Variants in TUBGCP5 observed in about 807,000 individuals in gnomAD.
The protein encoded by TUBGCP5 is gamma-tubulin complex component 5.
TUBGCP5 carries 98 observed loss-of-function variants against 134.7 expected under a neutral mutation model. That is an observed-to-expected ratio of 0.73 (90% CI 0.62 to 0.86). The LOEUF (loss-of-function observed/expected upper bound fraction) is 0.86, where lower values mean the gene tolerates loss of function less well. Ranked by LOEUF, TUBGCP5 falls within the 40% of genes least tolerant of loss-of-function variation. The pLI, the probability that TUBGCP5 is intolerant of heterozygous loss-of-function variation, is 0.00. For synonymous variants in TUBGCP5, 456 were observed against 431.4 expected (o/e 1.06, Z -0.71); for missense variants, 1,150 against 1,244.8 (o/e 0.92, Z 1.15).
intron 15 of TUBGCP5, 138 bp downstream of exon 15, chr15:23,009,807 T>C: frequency 1.7e-6 from 1 of 587,232 alleles, no homozygotes; most frequent in Non-Finnish European, 2.7e-6. Flanking sequence ...GATGGTCAAT[T>C]GATTTCTCTT....
At chr15:23,014,821 G>A (rs918666144) in intron 13 of TUBGCP5, among the ~76,000 whole-genome samples, 2 of 152,156 alleles carry the variant, frequency 1.3e-5, no homozygotes, top group African/African-American at 4.8e-5. Flanking sequence ...ATGACCCTGA[G>A]GGCTGTTCTC....
At chr15:22,983,466 A>G (rs1829253640) in exon 24 of TUBGCP5, 1 of 152,166 alleles carries the variant, frequency 6.6e-6, no homozygotes, top group Non-Finnish European at 1.5e-5. Flanking sequence ...TTTATAAAGT[A>G]CACACAGGTC....
downstream of TUBGCP5, among the ~76,000 whole-genome samples, chr15:22,998,400 T>C (rs942056390): frequency 2.0e-5 from 3 of 152,182 alleles, no homozygotes; most frequent in African/African-American, 7.2e-5. Flanking sequence ...TCGCTATCAG[T>C]TGAAGCTATT....
At chr15:23,017,573 A>G (rs2065408017) in intron 13 of TUBGCP5, among the ~76,000 whole-genome samples, 200 bp downstream of exon 13, 1 of 152,204 alleles carries the variant, frequency 6.6e-6, no homozygotes, top group Non-Finnish European at 1.5e-5. Flanking sequence ...CAAACACAGC[A>G]CTAAAAGTTT....
intron 16 of TUBGCP5, chr15:23,008,447 C>CA (rs1567113673): frequency 2.2e-6 from 1 of 459,220 alleles, no homozygotes; most frequent in Admixed American, 3.8e-5. Flanking sequence ...TTAGTAGAGA[C>CA]AGAGTTTCAC....
chr15:23,006,422 T>C (rs3213933), intron 16 of TUBGCP5, 70 bp from the exon 17 acceptor site: 17,226 of 1,078,772 alleles, frequency 0.016, 736 homozygotes, highest in African/African-American at 0.13. Flanking sequence ...TTTAAAATAA[T>C]TGGTATTTCA....
intron 9 of TUBGCP5, 76 bp from the exon 10 acceptor site, chr15:23,024,269 A>T: frequency 1.3e-6 from 2 of 1,529,386 alleles, no homozygotes; most frequent in Non-Finnish European, 1.8e-6. Context: ...TCTCGCTGTA[A>T]AATACTTCTT....
At position 23,013,564 on chromosome 15, in the gene TUBGCP5, G is replaced by A. The variant is rs970500395; in HGVS notation, c.1757-2233C>T. ...AGTGTGGAGGCTTCCAGCCTCTGCA[G>A]CTTCGCAGAACAGGCTGGTCTGGAG... is the stretch of plus-strand genomic sequence containing the variant. On this transcript the variant is annotated intron_variant, in intron 13 of 22. Transcript: ENST00000615383. The surrounding 1 kb of genome is among the most constrained non-coding windows in gnomAD (Gnocchi z 4.5). Among the ~76,000 whole-genome samples the A allele has an allele frequency of 1.3e-5, 2 of 152,200 alleles. No individual in the cohort carries two copies. The highest frequency in any genetic ancestry group is 4.8e-5 in the African/African-American group (2 of 41,448).
At chr15:23,011,491 A>T (rs992517664) in intron 13 of TUBGCP5, among the ~76,000 whole-genome samples, 160 bp from the exon 14 acceptor site, 1 of 148,324 alleles carries the variant, frequency 6.7e-6, no homozygotes, top group Non-Finnish European at 1.5e-5. Context: ...ATATATATTT[A>T]TATATAGTAA....
At chr15:23,032,621 T>C (rs1209465946) in intron 4 of TUBGCP5, 107 bp downstream of exon 4, 4 of 707,528 alleles carry the variant, frequency 5.7e-6, no homozygotes, top group South Asian at 5.9e-5. Flanking sequence ...AGAAATACTT[T>C]AGTTTCACAG....
At chr15:23,030,424 G>A (rs932015269) in intron 6 of TUBGCP5, among the ~76,000 whole-genome samples, 3 of 152,190 alleles carry the variant, frequency 2.0e-5, no homozygotes, top group Middle Eastern at 3.4e-3. Context: ...TGCTGCAGAC[G>A]CCAAAATCTG....
At chr15:23,019,713 C>T (rs1370904324) in intron 11 of TUBGCP5, among the ~76,000 whole-genome samples, 1 of 151,782 alleles carries the variant, frequency 6.6e-6, no homozygotes, top group Non-Finnish European at 1.5e-5. Flanking sequence ...AGGAGAATTG[C>T]TTGAATCTGG....
At chr15:23,030,090 G>A (rs1288733222) in intron 6 of TUBGCP5, among the ~76,000 whole-genome samples, 2 of 152,120 alleles carry the variant, frequency 1.3e-5, no homozygotes, top group African/African-American at 4.8e-5. Context: ...AGCTACTCAG[G>A]AGGCTGAGGT....
rs201651501 is a variant in TUBGCP5 at position 23,026,154 on chromosome 15, A to T, written c.789T>A (p.Val263=). Residue 263 remains valine, a synonymous_variant, in exon 8 of 23, where the codon GTT becomes GTA. Transcript: ENST00000615383. ...GAATAACCTGAGTCTCAGTAACCAAAACCCTGTCATCTGGAACATACAATG... is the reference window on the plus strand; with the variant it reads ...GAATAACCTGAGTCTCAGTAACCAATACCCTGTCATCTGGAACATACAATG... ...SDPLYVPDDR[V]LVTETQVIRE... 33 of 1,611,064 alleles carry T rather than the reference A, an allele frequency of 2.0e-5. No individual in the cohort carries two copies. In the Admixed American group the frequency reaches 5.2e-4, roughly 26 times the overall value.
At position 23,031,971 on chromosome 15, in the gene TUBGCP5, A is replaced by G. The variant is rs774791409; in HGVS notation, c.465T>C (p.Ile155=). Reference sequence around the variant, plus strand: ...TTACTGGTGTGTCCATGTACGGACCAATGTCCATTTCTTCATCTTCCATCA... The same window carrying G: ...TTACTGGTGTGTCCATGTACGGACCGATGTCCATTTCTTCATCTTCCATCA... ...KYLMEDEEMD[I]GPYMDTPNWS... Residue 155 remains isoleucine, a synonymous_variant, in exon 5 of 23, where the codon ATT becomes ATC. Coordinates refer to ENST00000615383, the MANE Select transcript of TUBGCP5 (RefSeq NM_052903.6). The G allele has an allele frequency of 6.2e-7, 1 of 1,612,744 alleles. No individual in the cohort carries two copies. Among genetic ancestry groups the G allele is most frequent in the Non-Finnish European group, 8.5e-7 (1 of 1,179,234 alleles).
At chr15:23,036,561 C>T (rs1366245187) in intron 3 of TUBGCP5, among the ~76,000 whole-genome samples, 1 of 151,870 alleles carries the variant, frequency 6.6e-6, no homozygotes, top group Non-Finnish European at 1.5e-5. Flanking sequence ...GTATACCAGG[C>T]ATCTAGTAAG....
At chr15:23,020,353 G>C (rs993389647) in intron 11 of TUBGCP5, among the ~76,000 whole-genome samples, 2 of 151,972 alleles carry the variant, frequency 1.3e-5, no homozygotes, top group Admixed American at 1.3e-4. Context: ...GTTGCAGTGA[G>C]CCAAGATCAT....
At position 23,039,412 on chromosome 15, in the gene TUBGCP5, G is replaced by C. The variant is rs745695595; in HGVS notation, c.132C>G (p.Ala44=). ...GTGCCCCACACCTGAAGTTGGACCA[G>C]GCGAAGTTTAGGGCGAGCTGGAAGT... ...DPNFQLALNF[A]WSNFRFHRFL... is the part of the protein sequence containing the mutation. Residue 44 remains alanine (A), a synonymous_variant, in exon 1 of 23, where the codon GCC becomes GCG. Coordinates refer to ENST00000615383, the MANE Select transcript of TUBGCP5 (RefSeq NM_052903.6). 2.0e-6 allele frequency: 3 copies of C among 1,512,520 alleles called. No homozygotes were observed. The highest frequency in any genetic ancestry group is 1.7e-4 in the Middle Eastern group (1 of 5,752). 93.7% of individuals were successfully genotyped at this position (1,512,520 alleles called of 1,614,324 possible). A position where few individuals can be genotyped will look rare whatever the true frequency, so the allele number is the denominator to read the frequency against.
chr15:22,984,380 G>A (rs1307716475), intron 23 of TUBGCP5, among the ~76,000 whole-genome samples: 1 of 152,132 alleles, frequency 6.6e-6, no homozygotes, highest in Non-Finnish European at 1.5e-5. Context: ...AGCACTTTGG[G>A]AGGCCAAGAC....
Sources: allele counts gnomAD v4.1 joint callset (sites outside exome capture counted in the v4.1 genomes callset), GRCh38; gene constraint gnomAD v4.1.1; non-coding constraint Gnocchi (gnomAD v3.1); transcripts MANE v1.5; gene names NCBI Gene and HGNC (gene_info 2026-07-23, HGNC 2026-07-21).